The following TOR1B variants were observed in gnomAD, a reference collection of about 807,000 sequenced individuals.
TOR1B encodes the protein torsin family 1 member B.
TOR1B carries 14 observed loss-of-function variants against 29.2 expected under a neutral mutation model. The observed-to-expected ratio is 0.48, with a 90% CI of 0.32 to 0.75. The LOEUF is 0.75. TOR1B is among the 30% of genes least tolerant of loss of function. The pLI, the probability that TOR1B is intolerant of heterozygous loss-of-function variation, is 0.04. For missense variants in TOR1B, 400 were observed against 433.9 expected (o/e 0.92, Z 0.69); for synonymous variants, 166 against 179.8 (o/e 0.92, Z 0.62).
At position 129,810,355 on chromosome 9, in the gene TOR1B, G is replaced by GGC; in HGVS notation, c.*773_*774insCG. The GGC allele has an allele frequency of 9.5e-7, 1 of 1,058,200 alleles. No individual in the cohort carries two copies. The highest frequency in any genetic ancestry group is 1.3e-6 in the Non-Finnish European group (1 of 794,710). The allele number at this position is 1,058,200 out of a possible 1,614,324, so 65.6% of individuals were successfully genotyped here. On this transcript the variant is annotated 3_prime_UTR_variant, in exon 5 of 5. Coordinates refer to ENST00000259339, the MANE Select transcript of TOR1B (RefSeq NM_014506.3). ...CTGACCTGTGTGTGTGTGTGTGGGG[G>GGC]GGTGGGGCCTTCACCTAAGACCTCT...
intron 2 of TOR1B, among the ~76,000 whole-genome samples, chr9:129,804,658 T>A (rs1293361740): frequency 6.7e-6 from 1 of 149,142 alleles, no homozygotes; most frequent in Non-Finnish European, 1.5e-5. Context: ...GCCAGGAGTT[T>A]GAGACCAGCC....
At position 129,804,527 on chromosome 9, in the gene TOR1B, C is replaced by T. The variant is rs542217168; in HGVS notation, c.465+189C>T. 76 of 715,928 alleles carry T rather than the reference C, an allele frequency of 1.1e-4. No individual in the cohort carries two copies. In the African/African-American group the frequency reaches 1.2e-3, roughly 11 times the overall value. The allele number at this position is 715,928 out of a possible 1,614,324, so 44.3% of individuals were successfully genotyped here. A position where few individuals can be genotyped will look rare whatever the true frequency, so the allele number is the denominator to read the frequency against. ...ACATTTCTCTTACTTGGTTCCAAAA[C>T]AGTCCAGTGGGGTAGGGGATGTTAT... On this transcript the variant is annotated intron_variant, in intron 2 of 4. Transcript: ENST00000259339.
At position 129,804,336 on chromosome 9, in the gene TOR1B, C is replaced by T; in HGVS notation, c.463C>T (p.Gln155Ter). Residue 155 changes from glutamine to a stop codon, truncating the protein, a stop_gained and splice_region_variant, in exon 2 of 5, where the codon CAG becomes TAG. Coordinates refer to ENST00000259339, the MANE Select transcript of TOR1B (RefSeq NM_014506.3). LOFTEE classifies it high-confidence loss of function. ...TCATGAGCAGAAGATAAAACTGTAC[C>T]AGGCAAGAGAACCCGCTATTATCTC... ...FPHEQKIKLY[Q>*]DQLQKWIRGN... 1 of 1,609,868 alleles carries T rather than the reference C, an allele frequency of 6.2e-7. No individual in the cohort carries two copies. The highest frequency in any genetic ancestry group is 8.5e-7 in the Non-Finnish European group (1 of 1,176,266).
intron 2 of TOR1B, among the ~76,000 whole-genome samples, chr9:129,804,787 G>GGGT (rs1177887384): frequency 6.7e-6 from 1 of 149,512 alleles, no homozygotes; most frequent in Non-Finnish European, 1.5e-5. Context: ...GCTTGAACCT[G>GGGT]GGTGGCAGAG....
At chr9:129,804,457 G>C in intron 2 of TOR1B, 119 bp downstream of exon 2, 4 of 1,291,834 alleles carry the variant, frequency 3.1e-6, no homozygotes, top group Non-Finnish European at 4.3e-6. Context: ...CGGCTCCACT[G>C]AGTTAAGGCA....
rs1235343279 is a variant in TOR1B, at chr9:129,810,198, C to G, written c.*615C>G. ...CTGTGTTCTCATTGGCCAAAAACAT[C>G]CTTTTGCTCTGTCTCGTTCTTTACA... is the stretch of plus-strand genomic sequence containing the variant. On this transcript the variant is annotated 3_prime_UTR_variant, in exon 5 of 5. Transcript: ENST00000259339. 2 of 1,304,242 alleles carry G rather than the reference C, an allele frequency of 1.5e-6. No individual in the cohort carries two copies. The highest frequency in any genetic ancestry group is 1.1e-4 in the East Asian group (2 of 18,024). 80.8% of individuals were successfully genotyped at this position (1,304,242 alleles called of 1,614,324 possible).
rs2030791708 is a variant in TOR1B, at chr9:129,810,373, A to C, written c.*790A>C. 1 of 1,253,572 alleles carries C rather than the reference A, an allele frequency of 8.0e-7. No individual in the cohort carries two copies. Among genetic ancestry groups the C allele is most frequent in the Non-Finnish European group, 1.0e-6 (1 of 965,498 alleles). The allele number at this position is 1,253,572 out of a possible 1,614,324, so 77.7% of individuals were successfully genotyped here. On this transcript the variant is annotated 3_prime_UTR_variant, in exon 5 of 5. Transcript: ENST00000259339. ...TGTGGGGGGGTGGGGCCTTCACCTA[A>C]GACCTCTGCAGCAGACCTGGACAGA... is the stretch of plus-strand genomic sequence containing the variant.
Position 129,810,355 on chromosome 9 carries a change from G to GC in TOR1B, c.*772_*773insC, listed in dbSNP as rs1394666661. 1.2e-5 allele frequency: 13 copies of GC among 1,058,070 alleles called. No homozygotes were observed. The highest frequency in any genetic ancestry group is 1.5e-5 in the Non-Finnish European group (12 of 794,702). 65.5% of individuals were successfully genotyped at this position (1,058,070 alleles called of 1,614,324 possible). ...CTGACCTGTGTGTGTGTGTGTGGGG[G>GC]GGTGGGGCCTTCACCTAAGACCTCT... On this transcript the variant is annotated 3_prime_UTR_variant, in exon 5 of 5. Coordinates refer to ENST00000259339, the MANE Select transcript of TOR1B (RefSeq NM_014506.3).
chr9:129,808,816 T>C (rs924597861), intron 3 of TOR1B, 89 bp from the exon 4 acceptor site: 1 of 1,540,044 alleles, frequency 6.5e-7, no homozygotes. Flanking sequence ...CCTCCCAAAG[T>C]GCTGGGATTA....
At chr9:129,807,461 A>G in intron 3 of TOR1B, 98 bp downstream of exon 3, 1 of 1,471,002 alleles carries the variant, frequency 6.8e-7, no homozygotes, top group Non-Finnish European at 9.2e-7. Flanking sequence ...TACCAGGACG[A>G]AAGTGCCTGC....
intron 2 of TOR1B, among the ~76,000 whole-genome samples, chr9:129,805,029 T>C (rs1229490128): frequency 6.6e-6 from 1 of 150,888 alleles, no homozygotes; most frequent in Non-Finnish European, 1.5e-5. Flanking sequence ...TCCCAGCTAC[T>C]CGGGAGGCTG....
intron 2 of TOR1B, 104 bp downstream of exon 2, chr9:129,804,442 GC>G (rs2030356055): frequency 6.9e-6 from 10 of 1,457,008 alleles, no homozygotes; most frequent in East Asian, 2.3e-5. Flanking sequence ...TGTTGCTGTA[GC>G]CCCCGGCTCC....
At position 129,807,325 on chromosome 9, in the gene TOR1B, C is replaced by T. The variant is rs139518355; in HGVS notation, c.603C>T (p.Asp201=). ...KPFLDYYEQV[D]GVSYRKAIFI... ...TTCTAGACTACTACGAGCAGGTTGA[C>T]GGAGTGTCTTACCGCAAAGCCATCT... The change falls in exon 3 of 5, where the codon GAC becomes GAT. Residue 201 remains aspartate (D), a synonymous_variant. Transcript: ENST00000259339. The T allele has an allele frequency of 3.0e-5, 49 of 1,614,062 alleles. No homozygotes were observed. Among genetic ancestry groups the T allele is most frequent in the Admixed American group, 2.2e-4 (13 of 60,000 alleles).
intron 1 of TOR1B, 139 bp downstream of exon 1, chr9:129,803,550 G>T: frequency 9.8e-7 from 1 of 1,017,432 alleles, no homozygotes. Context: ...TGGGGTGGGC[G>T]GGGAGCGGAT....
chr9:129,807,009 A>G (rs984362089), intron 2 of TOR1B, among the ~76,000 whole-genome samples, 179 bp from the exon 3 acceptor site: 11 of 152,196 alleles, frequency 7.2e-5, no homozygotes, highest in East Asian at 1.9e-4. Context: ...ATCTCTGCCA[A>G]TTTCCACTTT....
Position 129,807,282 on chromosome 9 carries a change from T to C in TOR1B, c.560T>C (p.Ile187Thr), listed in dbSNP as rs748859799. Residue 187 changes from isoleucine (I) to threonine (T), a missense_variant, in exon 3 of 5, where the codon ATT becomes ACT. Physicochemically the swap from Ile to Thr is moderately conservative, Grantham distance 89. Coordinates refer to ENST00000259339, the MANE Select transcript of TOR1B (RefSeq NM_014506.3). ...DEMDKLHPGI[I>T]DAIKPFLDYY... ...ATGGATAAATTGCACCCCGGGATCA[T>C]TGACGCAATCAAGCCGTTTCTAGAC... 1.5e-5 allele frequency: 25 copies of C among 1,614,028 alleles called. No individual in the cohort carries two copies. Among genetic ancestry groups the C allele is most frequent in the Admixed American group, 1.5e-4 (9 of 59,990 alleles).
rs2030754101 is a variant in TOR1B, at chr9:129,810,041, A to G, written c.*458A>G. On this transcript the variant is annotated 3_prime_UTR_variant, in exon 5 of 5. Transcript: ENST00000259339. Reference sequence around the variant, plus strand: ...CAGAAGTACCTGAAAACAGCTGTGCATGGCAGGCCCGGCAATAGCTTCTGA... The same window carrying G: ...CAGAAGTACCTGAAAACAGCTGTGCGTGGCAGGCCCGGCAATAGCTTCTGA... The G allele has an allele frequency of 2.4e-6, 3 of 1,225,074 alleles. No individual in the cohort carries two copies. The highest frequency in any genetic ancestry group is 1.4e-5 in the South Asian group (1 of 69,678). The allele number at this position is 1,225,074 out of a possible 1,614,324, so 75.9% of individuals were successfully genotyped here.
In TOR1B at chr9:129,809,827, G is replaced by A. The variant is rs1355659194; in HGVS notation, c.*244G>A. The A allele has an allele frequency of 5.1e-6, 7 of 1,360,328 alleles. No homozygotes were observed. Among genetic ancestry groups the A allele is most frequent in the South Asian group, 1.6e-5 (1 of 63,776 alleles). 84.3% of individuals were successfully genotyped at this position (1,360,328 alleles called of 1,614,324 possible). On this transcript the variant is annotated 3_prime_UTR_variant, in exon 5 of 5. Transcript: ENST00000259339. ...AGTGATTCTCATGCCTCAGCCTCCCGAGTAGCTGGGATTACAGGCATGAGC... is the reference window on the plus strand; with the variant it reads ...AGTGATTCTCATGCCTCAGCCTCCCAAGTAGCTGGGATTACAGGCATGAGC...
At position 129,809,601 on chromosome 9, in the gene TOR1B, G is replaced by GA. The variant is rs775861794; in HGVS notation, c.*18_*19insA. 3 of 1,613,572 alleles carry GA rather than the reference G, an allele frequency of 1.9e-6. No homozygotes were observed. The East Asian group carries it at 6.7e-5, about 36-fold the overall frequency. On this transcript the variant is annotated 3_prime_UTR_variant, in exon 5 of 5. Transcript: ENST00000259339. ...TCCACTGAGCTCCTATCCAGATGGG[G>GA]TAGGAGACAGCTGGGAGGCTCCGCA... is the stretch of plus-strand genomic sequence containing the variant.
Sources: allele counts gnomAD v4.1 joint callset (sites outside exome capture counted in the v4.1 genomes callset), GRCh38; gene constraint gnomAD v4.1.1; transcripts MANE v1.5; gene names NCBI Gene and HGNC (gene_info 2026-07-23, HGNC 2026-07-21).